PAX5: variants seen among roughly 807,000 people sequenced by gnomAD.
PAX5 encodes the protein paired box 5.
A neutral mutation model predicts 43.7 loss-of-function variants in PAX5; 9 were observed. The ratio of observed to expected loss-of-function variants is 0.21; its 90% CI spans 0.12 to 0.36. The LOEUF (loss-of-function observed/expected upper bound fraction) is 0.36, where lower values mean the gene tolerates loss of function less well. PAX5 is among the 10% of genes least tolerant of loss of function. The pLI, the probability that PAX5 is intolerant of heterozygous loss-of-function variation, is 1.00. For synonymous variants in PAX5, 228 were observed against 214.3 expected, an observed-to-expected ratio of 1.06 and a Z score of -0.56; for missense variants, 383 against 532.7, an observed-to-expected ratio of 0.72 and a Z score of 2.77.
intron 6 of PAX5, among the ~76,000 whole-genome samples, chr9:36,942,296 G>A (rs1438246996): frequency 2.0e-5 from 3 of 152,250 alleles, no homozygotes; most frequent in African/African-American, 7.2e-5. Context: ...TGTAAGACAG[G>A]AGGCCTCAAA....
chr9:37,033,950 G>T (rs757993029), intron 1 of PAX5, 36 bp downstream of exon 1: 2 of 1,607,532 alleles, frequency 1.2e-6, no homozygotes, highest in South Asian at 2.2e-5. Flanking sequence ...CCGTGTCCCG[G>T]AGTTTGCACA....
At chr9:36,976,445 G>A (rs901576498) in intron 5 of PAX5, among the ~76,000 whole-genome samples, 4 of 152,122 alleles carry the variant, frequency 2.6e-5, no homozygotes, top group Non-Finnish European at 4.4e-5. Flanking sequence ...ATGGGATTCC[G>A]GGTACAGGCA....
chr9:36,975,762 CA>C (rs1588127005), intron 5 of PAX5, among the ~76,000 whole-genome samples: 1 of 152,156 alleles, frequency 6.6e-6, no homozygotes, highest in Non-Finnish European at 1.5e-5. Flanking sequence ...CTGGAGTTGA[CA>C]AAATAATTTA....
chr9:36,957,879 G>A (rs1833620704), intron 6 of PAX5, among the ~76,000 whole-genome samples: 1 of 152,084 alleles, frequency 6.6e-6, no homozygotes, highest in Non-Finnish European at 1.5e-5. Flanking sequence ...CAAGAGTTGA[G>A]CTGATGCAGT....
intron 8 of PAX5, among the ~76,000 whole-genome samples, chr9:36,849,851 G>A (rs1259905779): frequency 6.6e-6 from 1 of 152,208 alleles, no homozygotes; most frequent in African/African-American, 2.4e-5. Context: ...TACGGGTCGT[G>A]AGGCTGACCT....
chr9:36,947,205 C>G (rs1832601456), intron 6 of PAX5, among the ~76,000 whole-genome samples: 1 of 152,270 alleles, frequency 6.6e-6, no homozygotes, highest in East Asian at 1.9e-4. Context: ...ACCATCAGGC[C>G]CATCACTGAT....
At chr9:36,920,875 G>A (rs13299618) in intron 7 of PAX5, among the ~76,000 whole-genome samples, 37,676 of 145,274 alleles carry the variant, frequency 0.26, 4,893 homozygotes, top group Non-Finnish European at 0.27. Flanking sequence ...GTGCAATGGC[G>A]TGATCTTGGC....
chr9:36,923,599 GGCC>G, intron 6 of PAX5, 115 bp from the exon 7 acceptor site: 2 of 1,191,458 alleles, frequency 1.7e-6, no homozygotes, highest in Non-Finnish European at 2.3e-6. Context: ...CCTGTGCCAA[GGCC>G]CACAAGGGGC....
At chr9:36,964,301 CCTT>C (rs1834227352) in intron 6 of PAX5, among the ~76,000 whole-genome samples, 3 of 151,586 alleles carry the variant, frequency 2.0e-5, no homozygotes, top group Admixed American at 2.0e-4. Context: ...AAAAGATAAA[CCTT>C]CTGGCTGGGC....
At chr9:36,968,201 C>A (rs1283096846) in intron 5 of PAX5, among the ~76,000 whole-genome samples, 2 of 152,178 alleles carry the variant, frequency 1.3e-5, no homozygotes, top group Non-Finnish European at 2.9e-5. Flanking sequence ...TGAAAGGTGC[C>A]CTTACTCAAG....
At chr9:36,925,260 C>G (rs1284973884) in intron 6 of PAX5, among the ~76,000 whole-genome samples, 1 of 152,178 alleles carries the variant, frequency 6.6e-6, no homozygotes, top group Non-Finnish European at 1.5e-5. Context: ...ACAGCATGTC[C>G]AGAGTTCCCC....
intron 6 of PAX5, among the ~76,000 whole-genome samples, chr9:36,958,565 G>A (rs1833693307): frequency 6.6e-6 from 1 of 152,092 alleles, no homozygotes; most frequent in African/African-American, 2.4e-5. Flanking sequence ...GGACTGGAGA[G>A]AAGCTAGACC....
intron 6 of PAX5, among the ~76,000 whole-genome samples, chr9:36,949,114 T>G (rs973164089): frequency 6.6e-6 from 1 of 152,242 alleles, no homozygotes; most frequent in South Asian, 2.1e-4. Flanking sequence ...CAGGCTGGAG[T>G]GCAGTGGCAC....
chr9:36,865,924 G>A (rs112479531), intron 8 of PAX5, among the ~76,000 whole-genome samples: 2,336 of 152,356 alleles, frequency 0.015, 25 homozygotes, highest in South Asian at 0.039. Flanking sequence ...GTGGTGCCAC[G>A]CTGTGAAAAG....
At chr9:36,930,149 A>G (rs1389011451) in intron 6 of PAX5, among the ~76,000 whole-genome samples, 1 of 151,942 alleles carries the variant, frequency 6.6e-6, no homozygotes, top group African/African-American at 2.4e-5. Context: ...GAACTATAAT[A>G]GAAGGACAGT....
intron 7 of PAX5, among the ~76,000 whole-genome samples, chr9:36,904,695 G>A (rs1269283331): frequency 1.3e-5 from 2 of 152,282 alleles, no homozygotes; most frequent in South Asian, 2.1e-4. Flanking sequence ...GAATTCAAAT[G>A]TGACTTTATG....
chr9:36,897,669 TC>T (rs1827986519), intron 7 of PAX5, among the ~76,000 whole-genome samples: 6 of 152,214 alleles, frequency 3.9e-5, no homozygotes, highest in Admixed American at 3.9e-4. Context: ...TGGATCCTGA[TC>T]CAGGTTTCCT....
At chr9:36,884,121 T>G (rs529888016) in intron 7 of PAX5, among the ~76,000 whole-genome samples, 1 of 152,204 alleles carries the variant, frequency 6.6e-6, no homozygotes, top group Admixed American at 6.5e-5. Flanking sequence ...CCAGGATATA[T>G]AAAACTAAGG....
intron 6 of PAX5, among the ~76,000 whole-genome samples, chr9:36,951,005 G>A (rs917842429): frequency 6.6e-6 from 1 of 152,136 alleles, no homozygotes; most frequent in East Asian, 1.9e-4. Context: ...GCCTCCCAAA[G>A]TGCTGGGATT....
Sources: gnomAD v4.1 joint callset for allele counts (sites outside exome capture counted in the v4.1 genomes callset) on GRCh38, gnomAD v4.1.1 for gene constraint, MANE v1.5 for transcripts, NCBI Gene and HGNC (gene_info 2026-07-23, HGNC 2026-07-21) for gene names.